Variants in AOPEP observed in about 807,000 individuals in gnomAD.
The protein encoded by AOPEP is aminopeptidase O.
In AOPEP, 77 loss-of-function variants were observed where a neutral mutation model predicts 98.1. The observed-to-expected ratio is 0.78, with a 90% CI of 0.65 to 0.95. The LOEUF (loss-of-function observed/expected upper bound fraction) is 0.95. Ranked by LOEUF, AOPEP falls within the 40% of genes least tolerant of loss-of-function variation. The pLI is 0.00. For missense variants in AOPEP, 1,024 were observed against 1,024.7 expected (o/e 1.00, Z 0.01); for synonymous variants, 346 against 365.3 (o/e 0.95, Z 0.60).
chr9:94,790,126 C>T (rs972092891), intron 3 of AOPEP, among the ~76,000 whole-genome samples: 3 of 151,870 alleles, frequency 2.0e-5, no homozygotes, highest in African/African-American at 7.3e-5. Context: ...CCGCCCGCCT[C>T]GGCCTCCCAA....
intron 5 of AOPEP, among the ~76,000 whole-genome samples, chr9:94,817,841 A>G (rs1286757795): frequency 1.3e-5 from 2 of 152,208 alleles, no homozygotes; most frequent in African/African-American, 4.8e-5. Flanking sequence ...AAGAAGCATG[A>G]GAAGAGAAAA....
At chr9:94,767,736 A>G (rs866629752) in intron 2 of AOPEP, among the ~76,000 whole-genome samples, 1 of 152,224 alleles carries the variant, frequency 6.6e-6, no homozygotes, top group Non-Finnish European at 1.5e-5. Context: ...AGAAGTGATG[A>G]ATTTCTGACT....
At chr9:94,839,449 T>G (rs1216743169) in intron 5 of AOPEP, among the ~76,000 whole-genome samples, 1 of 152,116 alleles carries the variant, frequency 6.6e-6, no homozygotes, top group Non-Finnish European at 1.5e-5. Flanking sequence ...GGTCTTGATC[T>G]CTTGACCTCA....
At chr9:95,103,622 A>G in the AOPEP span, among the ~76,000 whole-genome samples, 1 of 152,212 alleles carries the variant, frequency 6.6e-6, no homozygotes, top group Admixed American at 6.5e-5. Flanking sequence ...GCGAGAGGCC[A>G]GGAGCCAGAG....
intron 11 of AOPEP, among the ~76,000 whole-genome samples, chr9:94,982,529 G>C (rs1470351733): frequency 6.8e-6 from 1 of 147,614 alleles, no homozygotes; most frequent in Non-Finnish European, 1.5e-5. Flanking sequence ...ACACTGAGTA[G>C]TTTCCCACAT....
intron 13 of AOPEP, among the ~76,000 whole-genome samples, chr9:95,060,458 A>T (rs896212402): frequency 6.6e-6 from 1 of 152,242 alleles, no homozygotes; most frequent in Non-Finnish European, 1.5e-5. Context: ...TAGAACTGAA[A>T]TGATTAGTCA....
chr9:94,866,345 G>T lies in AOPEP; in HGVS notation c.1365-57641G>T, dbSNP rs544137366. 2.6e-5 allele frequency among the ~76,000 whole-genome samples: 4 copies of T among 152,320 alleles called. No individual in the cohort carries two copies. In the East Asian group the frequency reaches 7.7e-4, roughly 29 times the overall value. On this transcript the variant is annotated intron_variant, in intron 5 of 16. Coordinates refer to ENST00000375315, the MANE Select transcript of AOPEP (RefSeq NM_001193329.3). ...ATACATCCATCTTAACCAGCTCAGG[G>T]TTTATTCAATTCTTCCAGCCCTAAT...
the AOPEP span, among the ~76,000 whole-genome samples, chr9:95,121,897 G>A: frequency 7.0e-4 from 101 of 145,276 alleles, no homozygotes; most frequent in Admixed American, 1.7e-3. Context: ...TCGCTCTGTC[G>A]CCCAGGCTGG....
chr9:95,104,800 G>A, the AOPEP span, among the ~76,000 whole-genome samples: 1 of 152,166 alleles, frequency 6.6e-6, no homozygotes, highest in African/African-American at 2.4e-5. Flanking sequence ...GGGTTGGGGA[G>A]GAAGTGCCTG....
intron 4 of AOPEP, among the ~76,000 whole-genome samples, chr9:94,798,470 G>A (rs535999561): frequency 6.6e-6 from 1 of 152,086 alleles, no homozygotes; most frequent in African/African-American, 2.4e-5. Context: ...AAATTCATCC[G>A]GCCAAACACT....
rs566526662 is a variant in AOPEP, at chr9:94,818,848, G to C, written c.1364+17846G>C. Among the ~76,000 whole-genome samples, 1,004 of 152,186 alleles carry C rather than the reference G, an allele frequency of 6.6e-3. 7 individuals are homozygous for C. The highest frequency in any genetic ancestry group is 0.023 in the African/African-American group (966 of 41,518). On this transcript the variant is annotated intron_variant, in intron 5 of 16. Coordinates refer to ENST00000375315, the MANE Select transcript of AOPEP (RefSeq NM_001193329.3). Reference sequence around the variant, plus strand: ...TCTGTACTAAAAATACAAAAAATTAGCCGGGCATGGTGGCGGGCACCTGTA... The same window carrying C: ...TCTGTACTAAAAATACAAAAAATTACCCGGGCATGGTGGCGGGCACCTGTA...
At chr9:94,853,667 A>C in intron 5 of AOPEP, among the ~76,000 whole-genome samples, 1 of 152,218 alleles carries the variant, frequency 6.6e-6, no homozygotes, top group East Asian at 1.9e-4. Flanking sequence ...CTACAGTGAT[A>C]TCAGAAATTA....
intron 13 of AOPEP, among the ~76,000 whole-genome samples, chr9:95,015,321 A>G (rs940772145): frequency 6.6e-6 from 1 of 152,220 alleles, no homozygotes; most frequent in Non-Finnish European, 1.5e-5. Flanking sequence ...ATGTTTTGCA[A>G]GTAAAGCTGG....
At chr9:94,871,607 A>G (rs1197414702) in intron 5 of AOPEP, among the ~76,000 whole-genome samples, 1 of 152,198 alleles carries the variant, frequency 6.6e-6, no homozygotes, top group Non-Finnish European at 1.5e-5. Flanking sequence ...ACCTCTTATC[A>G]ACTTGATTGT....
At chr9:94,817,780 C>T (rs1043745487) in intron 5 of AOPEP, among the ~76,000 whole-genome samples, 3 of 152,178 alleles carry the variant, frequency 2.0e-5, no homozygotes, top group Non-Finnish European at 4.4e-5. Flanking sequence ...TCTAAGATGC[C>T]TATCTTGCTG....
Position 94,977,014 on chromosome 9 carries a change from T to C in AOPEP, c.1917-2353T>C, listed in dbSNP as rs144489896. 2.2e-3 allele frequency among the ~76,000 whole-genome samples: 333 copies of C among 152,206 alleles called. 1 individual carries two copies. Among genetic ancestry groups the C allele is most frequent in the Non-Finnish European group, 4.0e-3 (271 of 68,010 alleles). ...GCTTTCCTGAGGATCGCTTGAAGGA[T>C]GGGTGAAAGGAGCTTTGGGCTCAGG... On this transcript the variant is annotated intron_variant, in intron 10 of 16. Transcript: ENST00000375315.
Position 95,080,690 on chromosome 9 carries a change from C to T in AOPEP, c.2233-4C>T. ...GCTCACTGGGCTCTCTCTTGTTCCT[C>T]CAGGTTCGCCATCGGTGGTGTGAAC... On this transcript the variant is annotated splice_region_variant and splice_polypyrimidine_tract_variant and intron_variant, in intron 14 of 16. Transcript: ENST00000375315. The T allele has an allele frequency of 6.2e-7, 1 of 1,612,580 alleles. No individual in the cohort carries two copies. Among genetic ancestry groups the T allele is most frequent in the South Asian group, 1.1e-5 (1 of 91,030 alleles).
intron 7 of AOPEP, among the ~76,000 whole-genome samples, chr9:94,941,055 C>A (rs1270821792): frequency 1.3e-5 from 2 of 152,200 alleles, no homozygotes; most frequent in Admixed American, 1.3e-4. Context: ...AGGAAAGAGT[C>A]TGAAAGTTCA....
chr9:94,939,517 A>T (rs2056753959), intron 7 of AOPEP, among the ~76,000 whole-genome samples: 1 of 151,966 alleles, frequency 6.6e-6, no homozygotes, highest in Non-Finnish European at 1.5e-5. Flanking sequence ...GGATGGTAGG[A>T]TGGGGTTTAT....
Sources: allele counts gnomAD v4.1 joint callset (sites outside exome capture counted in the v4.1 genomes callset), GRCh38; gene constraint gnomAD v4.1.1; transcripts MANE v1.5; gene names NCBI Gene and HGNC (gene_info 2026-07-23, HGNC 2026-07-21).